MPPED2: variants seen among roughly 807,000 people sequenced by gnomAD.
MPPED2 encodes the protein metallophosphoesterase domain containing 2.
Under a neutral mutation model 33.0 loss-of-function variants are expected in MPPED2, and 5 were observed. That is an observed-to-expected ratio of 0.15 (90% confidence interval 0.08 to 0.32). MPPED2 has a LOEUF of 0.32. MPPED2 is among the 10% of genes least tolerant of loss of function. MPPED2 has a pLI of 1.00. For missense variants in MPPED2, 275 were observed against 372.1 expected (o/e 0.74, Z 2.15); for synonymous variants, 136 against 141.9 (o/e 0.96, Z 0.29).
At chr11:30,443,046 C>T (rs1387519534) in intron 4 of MPPED2, among the ~76,000 whole-genome samples, 3 of 151,920 alleles carry the variant, frequency 2.0e-5, no homozygotes, top group Non-Finnish European at 4.4e-5. Context: ...TTAATCAAGT[C>T]ACATAAGAAA....
intron 4 of MPPED2, among the ~76,000 whole-genome samples, chr11:30,494,757 A>AAAAAAAAAAAAAG (rs768924251): frequency 1.2e-4 from 15 of 120,872 alleles, no homozygotes; most frequent in African/African-American, 1.9e-4. Context: ...AAAAAAAAAA[A>AAAAAAAAAAAAAG]AAAGAAAGAA....
intron 4 of MPPED2, among the ~76,000 whole-genome samples, chr11:30,454,819 A>AG (rs1950212203): frequency 6.6e-6 from 1 of 152,204 alleles, no homozygotes; most frequent in African/African-American, 2.4e-5. Flanking sequence ...GCACTTAAAA[A>AG]AAATCAGAGA....
At chr11:30,460,850 T>C (rs1363415245) in intron 4 of MPPED2, among the ~76,000 whole-genome samples, 3 of 152,140 alleles carry the variant, frequency 2.0e-5, no homozygotes, top group Admixed American at 2.0e-4. Context: ...AGAATTACCA[T>C]GTAACCCAGC....
At chr11:30,496,388 C>T (rs1025038040) in intron 3 of MPPED2, among the ~76,000 whole-genome samples, 32 of 152,102 alleles carry the variant, frequency 2.1e-4, no homozygotes, top group African/African-American at 7.5e-4. Context: ...GAGATAGTGC[C>T]GGGCAGCTGT....
chr11:30,413,193 G>A (rs1948189886), intron 6 of MPPED2, among the ~76,000 whole-genome samples: 1 of 152,208 alleles, frequency 6.6e-6, no homozygotes, highest in South Asian at 2.1e-4. Context: ...CACCTAACCA[G>A]GAAGCCACTG....
chr11:30,512,319 C>A (rs932970331), intron 3 of MPPED2, among the ~76,000 whole-genome samples: 1 of 152,116 alleles, frequency 6.6e-6, no homozygotes, highest in Admixed American at 6.6e-5. Flanking sequence ...TTTCCCTCGG[C>A]TCTGCCAAGA....
intron 4 of MPPED2, among the ~76,000 whole-genome samples, chr11:30,477,374 T>G (rs1391498069): frequency 6.6e-6 from 1 of 152,142 alleles, no homozygotes; most frequent in Non-Finnish European, 1.5e-5. Flanking sequence ...TAGTCTTTTA[T>G]TAAACTGATG....
chr11:30,423,952 G>A (rs1163993888), intron 4 of MPPED2, among the ~76,000 whole-genome samples: 1 of 152,136 alleles, frequency 6.6e-6, no homozygotes, highest in Non-Finnish European at 1.5e-5. Flanking sequence ...GCTAGACAGA[G>A]CCTGATTTCC....
At chr11:30,570,731 T>G (rs1956652742) in intron 2 of MPPED2, among the ~76,000 whole-genome samples, 1 of 152,196 alleles carries the variant, frequency 6.6e-6, no homozygotes, top group South Asian at 2.1e-4. Flanking sequence ...TTTTCTTGAT[T>G]TCAGTTTAAA....
exon 7 of MPPED2, chr11:30,388,944 C>A: frequency 6.4e-7 from 1 of 1,563,280 alleles, no homozygotes; most frequent in Non-Finnish European, 8.7e-7. Flanking sequence ...CTTGGAGATG[C>A]TCACAGGGTT....
At chr11:30,457,641 A>G (rs1329819147) in intron 4 of MPPED2, among the ~76,000 whole-genome samples, 1 of 152,242 alleles carries the variant, frequency 6.6e-6, no homozygotes, top group East Asian at 1.9e-4. Flanking sequence ...TTATGTTGAT[A>G]AGGCTCAGAG....
chr11:30,501,398 A>C (rs1952554787), intron 3 of MPPED2, among the ~76,000 whole-genome samples: 1 of 152,254 alleles, frequency 6.6e-6, no homozygotes, highest in Non-Finnish European at 1.5e-5. Flanking sequence ...TTTGGATCTA[A>C]AAGTGAAGGT....
At chr11:30,454,874 G>A (rs1245074769) in intron 4 of MPPED2, among the ~76,000 whole-genome samples, 2 of 152,176 alleles carry the variant, frequency 1.3e-5, no homozygotes, top group East Asian at 1.9e-4. Flanking sequence ...AGAATCTAGC[G>A]ATCATATTCC....
intron 4 of MPPED2, among the ~76,000 whole-genome samples, chr11:30,479,280 G>A (rs1193354002): frequency 1.3e-5 from 2 of 152,072 alleles, no homozygotes; most frequent in Admixed American, 6.6e-5. Context: ...GAGACCTGAC[G>A]TAGATGACTG....
intron 3 of MPPED2, among the ~76,000 whole-genome samples, chr11:30,520,364 G>A (rs550176916): frequency 1.6e-4 from 25 of 152,064 alleles, no homozygotes; most frequent in Non-Finnish European, 2.9e-4. Flanking sequence ...CACAAATTCC[G>A]GATGTGACAA....
intron 3 of MPPED2, among the ~76,000 whole-genome samples, chr11:30,516,788 C>T (rs1953558278): frequency 6.6e-6 from 1 of 152,026 alleles, no homozygotes; most frequent in Admixed American, 6.6e-5. Context: ...TCAATGGTTG[C>T]TTGCCCAGAA....
chr11:30,414,159 T>A (rs1053266336), intron 6 of MPPED2, 69 bp downstream of exon 6: 10 of 1,075,530 alleles, frequency 9.3e-6, no homozygotes, highest in Non-Finnish European at 1.3e-5. Context: ...ACTCCACTTA[T>A]TCCTAGTTGT....
At chr11:30,417,435 A>C in intron 5 of MPPED2, 83 bp downstream of exon 5, 1 of 622,950 alleles carries the variant, frequency 1.6e-6, no homozygotes, top group Non-Finnish European at 2.7e-6. Flanking sequence ...TTGGAGGAAA[A>C]TGATTATGTC....
In MPPED2 at chr11:30,427,394, C is replaced by T. The variant is rs184392606; in HGVS notation, c.537-9761G>A. On this transcript the variant is annotated intron_variant, in intron 4 of 6. Transcript: ENST00000358117. ...TTGTATGCTATTTAATATTCTAGGG[C>T]ATTATCAAGGGGATATACAGTTGGG... Among the ~76,000 whole-genome samples, 11 of 152,240 alleles carry T rather than the reference C, an allele frequency of 7.2e-5. No homozygotes were observed. The East Asian group carries it at 1.9e-3, about 27-fold the overall frequency.
Sources: gnomAD v4.1 joint callset for allele counts (sites outside exome capture counted in the v4.1 genomes callset) on GRCh38, gnomAD v4.1.1 for gene constraint, MANE v1.5 for transcripts, NCBI Gene and HGNC (gene_info 2026-07-23, HGNC 2026-07-21) for gene names.